LRRTM4: variants seen among roughly 807,000 people sequenced by gnomAD.
LRRTM4 encodes leucine rich repeat transmembrane neuronal 4.
Under a neutral mutation model 47.6 loss-of-function variants are expected in LRRTM4, and 25 were observed. The observed-to-expected ratio is 0.53, with a 90% CI of 0.38 to 0.73. The LOEUF (loss-of-function observed/expected upper bound fraction) is 0.73, where lower values mean the gene tolerates loss of function less well. Among genes scored for constraint, LRRTM4 ranks in the 30% least tolerant of loss-of-function variants. The probability of loss-of-function intolerance (pLI) is 0.00; values close to 1 mark genes in which losing one functional copy is unlikely to be tolerated. For missense variants in LRRTM4, 638 were observed against 713.4 expected (o/e 0.89, Z 1.20); for synonymous variants, 311 against 269.5 (o/e 1.15, Z -1.51).
At chr2:76,848,151 A>G (rs1671891428) in intron 3 of LRRTM4, among the ~76,000 whole-genome samples, 1 of 152,012 alleles carries the variant, frequency 6.6e-6, no homozygotes, top group African/African-American at 2.4e-5. Flanking sequence ...GTAGAAAACA[A>G]CTTCTTTCCC....
intron 3 of LRRTM4, among the ~76,000 whole-genome samples, chr2:77,248,523 C>T (rs6754448): frequency 0.54 from 82,306 of 151,888 alleles, 22,639 homozygotes; most frequent in African/African-American, 0.58. Context: ...AGAAGCTTAT[C>T]TTGTAGATAT....
At chr2:76,958,616 C>T (rs1226393365) in intron 3 of LRRTM4, among the ~76,000 whole-genome samples, 2 of 151,570 alleles carry the variant, frequency 1.3e-5, no homozygotes, top group Non-Finnish European at 3.0e-5. Flanking sequence ...TGTGCAGATT[C>T]GAGGGTCTTC....
At chr2:76,967,649 T>C (rs987103482) in intron 3 of LRRTM4, among the ~76,000 whole-genome samples, 3 of 151,740 alleles carry the variant, frequency 2.0e-5, no homozygotes, top group African/African-American at 7.2e-5. Context: ...TGTATAAAAA[T>C]GTGTGCTCTC....
At chr2:77,359,131 T>G (rs528305552) in intron 3 of LRRTM4, among the ~76,000 whole-genome samples, 2 of 152,278 alleles carry the variant, frequency 1.3e-5, no homozygotes, top group African/African-American at 4.8e-5. Flanking sequence ...TCATTTTCTG[T>G]TTGGACTTGG....
chr2:77,077,861 C>T (rs997376905), intron 3 of LRRTM4, among the ~76,000 whole-genome samples: 1 of 152,128 alleles, frequency 6.6e-6, no homozygotes, highest in Non-Finnish European at 1.5e-5. Flanking sequence ...CTATATAGAA[C>T]ACATTCATGG....
chr2:76,978,450 T>C (rs1041873915), intron 3 of LRRTM4, among the ~76,000 whole-genome samples: 1 of 152,088 alleles, frequency 6.6e-6, no homozygotes, highest in Non-Finnish European at 1.5e-5. Flanking sequence ...TTTACAATGT[T>C]CTCCTTGCAC....
At chr2:77,387,228 A>G (rs17014040) in intron 3 of LRRTM4, among the ~76,000 whole-genome samples, 5,050 of 152,196 alleles carry the variant, frequency 0.033, 291 homozygotes, top group African/African-American at 0.11. Flanking sequence ...ATATTTGGTT[A>G]ATTATAGCAT....
chr2:77,203,705 GTGT>G (rs1332218906), intron 3 of LRRTM4, among the ~76,000 whole-genome samples: 1 of 152,184 alleles, frequency 6.6e-6, no homozygotes, highest in East Asian at 1.9e-4. Flanking sequence ...AAGTGCAGAA[GTGT>G]TGTTCAGAGG....
At chr2:77,208,763 T>C (rs1002499203) in intron 3 of LRRTM4, among the ~76,000 whole-genome samples, 9 of 152,090 alleles carry the variant, frequency 5.9e-5, no homozygotes, top group Non-Finnish European at 1.0e-4. Flanking sequence ...AAGTTGATAG[T>C]TCATTACAAA....
chr2:77,277,416 G>A (rs1189687041), intron 3 of LRRTM4, among the ~76,000 whole-genome samples: 1 of 151,728 alleles, frequency 6.6e-6, no homozygotes, highest in Non-Finnish European at 1.5e-5. Context: ...TTATACTATA[G>A]AGTTATAAAA....
chr2:76,814,794 TACACACACACATACACACACAC>T (rs1311776835), intron 3 of LRRTM4, among the ~76,000 whole-genome samples: 10 of 149,732 alleles, frequency 6.7e-5, no homozygotes, highest in East Asian at 5.9e-4. Flanking sequence ...GGCTTCAAGA[TACACACACACATACACACACAC>T]ACACACACAC....
At chr2:77,141,235 G>A (rs979149980) in intron 3 of LRRTM4, among the ~76,000 whole-genome samples, 4 of 152,082 alleles carry the variant, frequency 2.6e-5, no homozygotes, top group African/African-American at 4.8e-5. Flanking sequence ...ATGTCCATCA[G>A]TGATAGACTG....
chr2:77,375,152 A>T (rs1352934151), intron 3 of LRRTM4, among the ~76,000 whole-genome samples: 1 of 151,582 alleles, frequency 6.6e-6, no homozygotes, highest in African/African-American at 2.4e-5. Flanking sequence ...CAAATTTCAG[A>T]TTTCTGCATT....
chr2:77,192,425 A>G (rs79875655), intron 3 of LRRTM4, among the ~76,000 whole-genome samples: 1 of 151,512 alleles, frequency 6.6e-6, no homozygotes, highest in Admixed American at 6.6e-5. Context: ...TTCCTAATTT[A>G]AAAAAAAATT....
intron 3 of LRRTM4, among the ~76,000 whole-genome samples, chr2:76,777,573 T>G: frequency 7.0e-6 from 1 of 143,414 alleles, no homozygotes; most frequent in Middle Eastern, 3.6e-3. Context: ...CTGTTGTTGG[T>G]GTATAAGAAT....
intron 3 of LRRTM4, among the ~76,000 whole-genome samples, chr2:77,398,187 T>TA (rs1553439021): frequency 6.6e-6 from 1 of 151,886 alleles, no homozygotes; most frequent in Non-Finnish European, 1.5e-5. Flanking sequence ...TATTATGACT[T>TA]AAAAAATAGT....
intron 3 of LRRTM4, among the ~76,000 whole-genome samples, chr2:76,811,730 A>G (rs1670740221): frequency 6.6e-6 from 1 of 152,146 alleles, no homozygotes; most frequent in Non-Finnish European, 1.5e-5. Context: ...TGTTTGCTCT[A>G]TGAAATAATT....
intron 3 of LRRTM4, among the ~76,000 whole-genome samples, chr2:77,306,686 G>T (rs1303770866): frequency 1.3e-5 from 2 of 151,908 alleles, no homozygotes; most frequent in Non-Finnish European, 2.9e-5. Context: ...TTATATTTGA[G>T]GATGGGTTCA....
rs561118545 is a variant in LRRTM4 at position 77,245,939 on chromosome 2, A to C, written c.1551+272379T>G. ...GAAAATAGAGATTTTGCCAATTGCC[A>C]AGAATCTACATTAGTCAATCACATA... On this transcript the variant is annotated intron_variant, in intron 3 of 3. Coordinates refer to ENST00000409884, the MANE Select transcript of LRRTM4 (RefSeq NM_001134745.3). Among the ~76,000 whole-genome samples the C allele has an allele frequency of 2.0e-5, 3 of 152,304 alleles. No individual in the cohort carries two copies. The East Asian group carries it at 5.8e-4, about 29-fold the overall frequency.
Sources: allele counts gnomAD v4.1 joint callset (sites outside exome capture counted in the v4.1 genomes callset), GRCh38; gene constraint gnomAD v4.1.1; transcripts MANE v1.5; gene names NCBI Gene and HGNC (gene_info 2026-07-23, HGNC 2026-07-21).